The following ADGRV1 variants were observed in gnomAD, a reference collection of about 807,000 sequenced individuals.
The protein encoded by ADGRV1 is adhesion G protein-coupled receptor V1.
Under a neutral mutation model 596.2 loss-of-function variants are expected in ADGRV1, and 359 were observed. That is an observed-to-expected ratio of 0.60 (90% CI 0.55 to 0.66). The LOEUF (loss-of-function observed/expected upper bound fraction) is 0.66, where lower values mean the gene tolerates loss of function less well. Among genes scored for constraint, ADGRV1 ranks in the 30% least tolerant of loss-of-function variants. The probability of loss-of-function intolerance (pLI) is 0.00; values close to 1 mark genes in which losing one functional copy is unlikely to be tolerated. For missense variants in ADGRV1, 7,274 were observed against 7,575.6 expected (o/e 0.96, Z 1.48); for synonymous variants, 2,681 against 2,679.2 (o/e 1.00, Z -0.02).
At chr5:90,987,754 C>G (rs1581718561) in intron 85 of ADGRV1, among the ~76,000 whole-genome samples, 1 of 151,980 alleles carries the variant, frequency 6.6e-6, no homozygotes, top group African/African-American at 2.4e-5. Flanking sequence ...ATCTGTTGGG[C>G]AGTGGTTACT....
At chr5:90,926,796 C>T (rs1774523530) in intron 83 of ADGRV1, among the ~76,000 whole-genome samples, 2 of 150,570 alleles carry the variant, frequency 1.3e-5, no homozygotes, top group South Asian at 2.1e-4. Context: ...CCTCTACACA[C>T]TGCTTTGAAT....
chr5:91,031,890 C>G (rs371993063), intron 85 of ADGRV1, among the ~76,000 whole-genome samples: 22 of 151,996 alleles, frequency 1.4e-4, no homozygotes, highest in African/African-American at 4.3e-4. Flanking sequence ...CCTGCGCTTG[C>G]GGATTTTATG....
At position 90,930,616 on chromosome 5, in the gene ADGRV1, T is replaced by C. The variant is rs181748286; in HGVS notation, c.17857-34799T>C. Among the ~76,000 whole-genome samples, 699 of 148,128 alleles carry C rather than the reference T, an allele frequency of 4.7e-3. 5 individuals carry two copies. The highest frequency in any genetic ancestry group is 0.018 in the African/African-American group (671 of 37,582). ...TATTAGTGTTAGCCAAAATTTTAAT[T>C]TTTAAATACTAGAGAGTTATTTCTA... On this transcript the variant is annotated intron_variant, in intron 83 of 89. Transcript: ENST00000405460.
chr5:91,012,893 G>C (rs568226669), intron 85 of ADGRV1, among the ~76,000 whole-genome samples: 61 of 151,912 alleles, frequency 4.0e-4, no homozygotes, highest in African/African-American at 1.4e-3. Flanking sequence ...CCTTCAAGTA[G>C]ACACCAATGT....
At position 90,685,974 on chromosome 5, in the gene ADGRV1, G is replaced by A. The variant is rs144723817; in HGVS notation, c.6469G>A (p.Val2157Met). The A allele has an allele frequency of 2.2e-5, 35 of 1,587,024 alleles. No individual in the cohort carries two copies. The East Asian group carries it at 7.0e-4, about 32-fold the overall frequency. Residue 2157 changes from valine to methionine, a missense_variant, in exon 29 of 90, where the codon GTG (valine) becomes ATG (methionine). By Grantham distance (21) the Val-to-Met change is conservative. This residue lies in a region of ADGRV1 where 3,643 missense variants were observed against 3,809.2 expected (regional missense o/e 0.96). Transcript: ENST00000405460. ...FADVSVKFKA[V>M]PITAIAGEDY... ...AGATGTCTCTGTGAAGTTTAAAGCTGTGCCAATAACTGCAATAGCTGGTAA... is the reference window on the plus strand; with the variant it reads ...AGATGTCTCTGTGAAGTTTAAAGCTATGCCAATAACTGCAATAGCTGGTAA...
intron 1 of ADGRV1, among the ~76,000 whole-genome samples, chr5:90,607,285 G>A (rs1029580799): frequency 2.6e-5 from 4 of 152,098 alleles, no homozygotes; most frequent in African/African-American, 9.7e-5. Context: ...ATAGTATCAG[G>A]TACCTTTAAA....
At chr5:90,973,764 T>C (rs1581679714) in intron 84 of ADGRV1, among the ~76,000 whole-genome samples, 2 of 152,266 alleles carry the variant, frequency 1.3e-5, no homozygotes, top group East Asian at 3.9e-4. Flanking sequence ...GGGCAAAAAC[T>C]GGAAGCATTC....
chr5:91,115,475 T>C (rs1168983150), intron 87 of ADGRV1, among the ~76,000 whole-genome samples: 1 of 152,210 alleles, frequency 6.6e-6, no homozygotes, highest in African/African-American at 2.4e-5. Context: ...TGCAACATCT[T>C]ATGGTCAGCT....
chr5:90,669,146 C>G (rs1287655841), intron 21 of ADGRV1, among the ~76,000 whole-genome samples: 1 of 152,220 alleles, frequency 6.6e-6, no homozygotes, highest in African/African-American at 2.4e-5. Flanking sequence ...TGAGGAAGCT[C>G]AGGACTGCTT....
intron 59 of ADGRV1, among the ~76,000 whole-genome samples, chr5:90,772,151 A>G (rs1182773004): frequency 1.3e-5 from 2 of 152,174 alleles, no homozygotes; most frequent in African/African-American, 4.8e-5. Flanking sequence ...CACAGTAGCC[A>G]ATCCTTATCA....
At chr5:90,984,395 C>CT (rs1780321435) in intron 84 of ADGRV1, among the ~76,000 whole-genome samples, 1 of 152,078 alleles carries the variant, frequency 6.6e-6, no homozygotes, top group Admixed American at 6.6e-5. Flanking sequence ...AAAGAAGACA[C>CT]TAGAAGACTT....
intron 83 of ADGRV1, among the ~76,000 whole-genome samples, chr5:90,903,565 A>G (rs143673285): frequency 2.1e-3 from 327 of 152,132 alleles, no homozygotes; most frequent in African/African-American, 7.6e-3. Context: ...AGAAATTAGC[A>G]TGGACCTCAA....
chr5:90,992,118 G>A (rs1187799094), intron 85 of ADGRV1, among the ~76,000 whole-genome samples: 1 of 152,216 alleles, frequency 6.6e-6, no homozygotes, highest in Non-Finnish European at 1.5e-5. Flanking sequence ...AATCTTGAAA[G>A]TACGCTTCCC....
chr5:90,791,228 G>C lies in ADGRV1; in HGVS notation c.14399G>C (p.Gly4800Ala). Residue 4800 changes from glycine (G) to alanine (A), a missense_variant, in exon 70 of 90, where the codon GGG becomes GCG. Around this residue, in one of 5 missense-constraint regions of ADGRV1, gnomAD observed 1,874 missense variants for 1,970.2 expected, o/e 0.95. Transcript: ENST00000405460. Reference sequence around the variant, plus strand: ...GGAACATTTGGAGATGTGGCTGTTGGGCTTCGAATATCATCGGATCATAAA... The same window carrying C: ...GGAACATTTGGAGATGTGGCTGTTGCGCTTCGAATATCATCGGATCATAAA... Reference protein sequence around the residue: ...LAGTFGDVAVGLRISSDHKEQ... With the variant: ...LAGTFGDVAVALRISSDHKEQ... 1.2e-6 allele frequency: 2 copies of C among 1,613,538 alleles called. No homozygotes were observed. The highest frequency in any genetic ancestry group is 8.5e-7 in the Non-Finnish European group (1 of 1,179,772).
intron 82 of ADGRV1, among the ~76,000 whole-genome samples, chr5:90,858,636 C>T (rs1371711258): frequency 6.6e-6 from 1 of 152,136 alleles, no homozygotes; most frequent in Non-Finnish European, 1.5e-5. Flanking sequence ...ATGTGAACCA[C>T]CATGCCTGGC....
At chr5:90,574,520 A>G (rs1191663646) in intron 1 of ADGRV1, among the ~76,000 whole-genome samples, 1 of 152,120 alleles carries the variant, frequency 6.6e-6, no homozygotes. Context: ...GTTTACTAAA[A>G]TTGTTTATCA....
At chr5:90,800,492 C>G (rs915077133) in intron 70 of ADGRV1, among the ~76,000 whole-genome samples, 3 of 151,898 alleles carry the variant, frequency 2.0e-5, no homozygotes, top group Admixed American at 6.5e-5. Context: ...TACATTAGTT[C>G]AACCATTGTG....
chr5:91,002,106 A>G (rs1421032477), intron 85 of ADGRV1, among the ~76,000 whole-genome samples: 1 of 152,110 alleles, frequency 6.6e-6, no homozygotes, highest in African/African-American at 2.4e-5. Flanking sequence ...TTTTATTTCT[A>G]TAATGTAAAA....
rs923075765 is a variant in ADGRV1, at chr5:90,679,482, A to G, written c.5444-67A>G. ...TCCTCTTTGCTTGATATGTTTTAAG[A>G]CCTCTCAATTTTCTCATTGTGTCAA... On this transcript the variant is annotated intron_variant, in intron 25 of 89. Coordinates refer to ENST00000405460, the MANE Select transcript of ADGRV1 (RefSeq NM_032119.4). The G allele has an allele frequency of 5.4e-5, 58 of 1,082,986 alleles. No homozygotes were observed. The East Asian group carries it at 1.4e-3, about 26-fold the overall frequency. 67.1% of individuals were successfully genotyped at this position (1,082,986 alleles called of 1,614,324 possible). A position where few individuals can be genotyped will look rare whatever the true frequency, so the allele number is the denominator to read the frequency against.
Sources: gnomAD v4.1 joint callset for allele counts (sites outside exome capture counted in the v4.1 genomes callset) on GRCh38, gnomAD v4.1.1 for gene constraint, gnomAD v4.1.1 regional missense constraint, MANE v1.5 for transcripts, NCBI Gene and HGNC (gene_info 2026-07-23, HGNC 2026-07-21) for gene names.